The following NCF2 variants were observed in gnomAD, a reference collection of about 807,000 sequenced individuals.
NCF2 encodes the protein neutrophil cytosolic factor 2.
Under a neutral mutation model 70.9 loss-of-function variants are expected in NCF2, and 45 were observed. The ratio of observed to expected loss-of-function variants is 0.63; its 90% CI spans 0.50 to 0.81. NCF2 has a LOEUF of 0.81. Ranked by LOEUF, NCF2 falls within the 40% of genes least tolerant of loss-of-function variation. The pLI is 0.00. For missense variants in NCF2, 522 were observed against 631.6 expected (o/e 0.83, Z 1.86); for synonymous variants, 203 against 233.6 (o/e 0.87, Z 1.19).
At position 183,586,957 on chromosome 1, in the gene NCF2, G is replaced by A. The variant is rs2102934485; in HGVS notation, c.195C>T (p.Asn65=). The change falls in exon 2 of 15, where the codon AAC becomes AAT. Residue 65 remains asparagine (N), a synonymous_variant. Coordinates refer to ENST00000367535, the MANE Select transcript of NCF2 (RefSeq NM_000433.4). ...AAGCCACTGCCAAGTGCTTGTCTCGGTTAATGCTTCTGGTAAAGGCCTGAG... is the reference window on the plus strand; with the variant it reads ...AAGCCACTGCCAAGTGCTTGTCTCGATTAATGCTTCTGGTAAAGGCCTGAG... The part of the protein sequence containing the change: ...EAEKAFTRSI[N]RDKHLAVAYF... The A allele has an allele frequency of 1.2e-6, 2 of 1,614,126 alleles. No individual in the cohort carries two copies. The highest frequency in any genetic ancestry group is 3.3e-5 in the Admixed American group (2 of 60,018).
chr1:183,578,187 C>T (rs750713969), intron 2 of NCF2, among the ~76,000 whole-genome samples: 10 of 152,116 alleles, frequency 6.6e-5, no homozygotes, highest in Non-Finnish European at 1.3e-4. Flanking sequence ...CTTATAGCTG[C>T]CACCATCACC....
chr1:183,590,040 G>A, intron 1 of NCF2, 116 bp downstream of exon 1: 1 of 1,496,962 alleles, frequency 6.7e-7, no homozygotes, highest in Non-Finnish European at 9.3e-7. Context: ...GGTGGAGCTT[G>A]GGCAACTTTT....
chr1:183,575,917 A>T (rs1020830599), intron 3 of NCF2, among the ~76,000 whole-genome samples: 2 of 152,160 alleles, frequency 1.3e-5, no homozygotes, highest in African/African-American at 4.8e-5. Flanking sequence ...TTTCAGTCCT[A>T]TTTCTGAGAT....
chr1:183,591,133 C>A (rs1673623933), upstream of NCF2, among the ~76,000 whole-genome samples: 1 of 152,218 alleles, frequency 6.6e-6, no homozygotes, highest in African/African-American at 2.4e-5. Flanking sequence ...CTGTTTTCAT[C>A]ACTCAATAAA....
intron 2 of NCF2, among the ~76,000 whole-genome samples, chr1:183,582,134 G>A (rs1194350756): frequency 3.3e-5 from 5 of 152,172 alleles, no homozygotes; most frequent in South Asian, 2.1e-4. Flanking sequence ...ACACAGGTTC[G>A]CAATAATCTC....
chr1:183,584,235 G>A (rs1393506407), intron 2 of NCF2, among the ~76,000 whole-genome samples: 1 of 152,216 alleles, frequency 6.6e-6, no homozygotes. Context: ...GTGTGTGCTT[G>A]AAAGTGTATT....
upstream of NCF2, chr1:183,590,545 C>T (rs1673598599): frequency 4.4e-5 from 28 of 632,522 alleles, 1 homozygote; most frequent in Middle Eastern, 8.2e-4. Context: ...ACTCATAACC[C>T]TACCATGAGA....
intron 3 of NCF2, among the ~76,000 whole-genome samples, chr1:183,575,144 C>T (rs1672739952): frequency 6.6e-6 from 1 of 152,202 alleles, no homozygotes; most frequent in African/African-American, 2.4e-5. Context: ...ACCAGCAGAA[C>T]CTGGCCCAGA....
At chr1:183,592,326 C>T (rs1383223650), upstream of NCF2, among the ~76,000 whole-genome samples, 1 of 152,236 alleles carries the variant, frequency 6.6e-6, no homozygotes, top group African/African-American at 2.4e-5. Context: ...CTGGCAAACT[C>T]CTACTCATCT....
chr1:183,589,464 C>G (rs1673536722), intron 1 of NCF2, among the ~76,000 whole-genome samples: 2 of 152,172 alleles, frequency 1.3e-5, no homozygotes, highest in Non-Finnish European at 2.9e-5. Context: ...TTCCAAACTC[C>G]ATACCCTTTC....
At chr1:183,564,404 C>T (rs1327616429) in intron 10 of NCF2, among the ~76,000 whole-genome samples, 1 of 152,226 alleles carries the variant, frequency 6.6e-6, no homozygotes, top group Admixed American at 6.5e-5. Flanking sequence ...GTATTAGAAC[C>T]ACTGATCCTC....
chr1:183,590,625 C>T (rs572906223), upstream of NCF2: 2 of 450,606 alleles, frequency 4.4e-6, no homozygotes, highest in African/African-American at 4.0e-5. Context: ...GGAAGTACAT[C>T]AGCTGCTGCC....
chr1:183,591,893 C>A (rs980339798), upstream of NCF2, among the ~76,000 whole-genome samples: 2 of 152,182 alleles, frequency 1.3e-5, no homozygotes, highest in African/African-American at 2.4e-5. Context: ...TCCCATCTTC[C>A]AGTGAAAAAT....
chr1:183,563,977 T>G, intron 11 of NCF2, 28 bp downstream of exon 11: 7 of 1,593,402 alleles, frequency 4.4e-6, no homozygotes, highest in Non-Finnish European at 5.2e-6. Context: ...CTTCTACCAC[T>G]TGAAACAGTA....
intron 5 of NCF2, 107 bp downstream of exon 5, chr1:183,573,078 G>T (rs1352405289): frequency 4.0e-6 from 4 of 1,008,504 alleles, no homozygotes; most frequent in African/African-American, 3.1e-5. Context: ...TGCCATCCCA[G>T]GGACAGAGCC....
chr1:183,569,033 C>T, intron 7 of NCF2, 109 bp downstream of exon 7: 1 of 1,057,556 alleles, frequency 9.5e-7, no homozygotes, highest in Non-Finnish European at 1.5e-6. Flanking sequence ...CCAGAAAATT[C>T]AACAAGATTT....
At chr1:183,600,398 T>C in the NCF2 span, among the ~76,000 whole-genome samples, 1 of 152,216 alleles carries the variant, frequency 6.6e-6, no homozygotes, top group Non-Finnish European at 1.5e-5. Context: ...CAACCTGCCC[T>C]AGCCAGAGAC....
At chr1:183,590,112 A>G in intron 1 of NCF2, 44 bp downstream of exon 1, 1 of 1,613,058 alleles carries the variant, frequency 6.2e-7, no homozygotes, top group Non-Finnish European at 8.5e-7. Flanking sequence ...GAATCATAAT[A>G]ACAAATGCAC....
rs544453576 is a variant in NCF2 at position 183,556,196 on chromosome 1, C to A, written c.1503G>T (p.Gly501=). The A allele has an allele frequency of 1.9e-6, 3 of 1,614,178 alleles. No homozygotes were observed. The highest frequency in any genetic ancestry group is 1.1e-5 in the South Asian group (1 of 91,080). Residue 501 remains glycine (G), a synonymous_variant, in exon 15 of 15, where the codon GGG becomes GGT. Transcript: ENST00000367535. ...AAACTTTGGGGAAAATGCCCACCTT[C>A]CCTTTGCACTCCCCTTCCAGCCATT... ...NEEWLEGECK[G]KVGIFPKVFV...
Sources: gnomAD v4.1 joint callset for allele counts (sites outside exome capture counted in the v4.1 genomes callset) on GRCh38, gnomAD v4.1.1 for gene constraint, MANE v1.5 for transcripts, NCBI Gene and HGNC (gene_info 2026-07-23, HGNC 2026-07-21) for gene names.